Variants in PLPPR5 observed in about 807,000 individuals in gnomAD.
PLPPR5 encodes the protein phospholipid phosphatase-related protein type 5.
In PLPPR5, 16 loss-of-function variants were observed where a neutral mutation model predicts 33.9. The observed-to-expected ratio is 0.47, with a 90% CI of 0.32 to 0.72. PLPPR5 has a LOEUF of 0.72. PLPPR5 is among the 30% of genes least tolerant of loss of function. The pLI is 0.03. For missense variants in PLPPR5, 301 were observed against 406.7 expected (o/e 0.74, Z 2.23); for synonymous variants, 163 against 150.3 (o/e 1.08, Z -0.62).
intron 5 of PLPPR5, among the ~76,000 whole-genome samples, chr1:98,906,270 C>T (rs936925187): frequency 5.4e-5 from 8 of 149,290 alleles, no homozygotes; most frequent in African/African-American, 2.0e-4. Flanking sequence ...TATAGTATTA[C>T]CTAGTACTAT....
At chr1:98,921,004 C>T (rs572007142) in intron 4 of PLPPR5, among the ~76,000 whole-genome samples, 28 of 152,138 alleles carry the variant, frequency 1.8e-4, no homozygotes, top group African/African-American at 6.3e-4. Flanking sequence ...ACAACTTATA[C>T]TATACTTTAA....
Position 98,934,919 on chromosome 1 carries a change from A to C in PLPPR5, c.622-12861T>G, listed in dbSNP as rs545423438. ...AACATTAAGTCTGTGACATCCCTCC[A>C]TCTGTGAAACACTTTATGGTTCATA... On this transcript the variant is annotated intron_variant, in intron 3 of 5. Coordinates refer to ENST00000263177, the MANE Select transcript of PLPPR5 (RefSeq NM_001037317.2). 9.3e-4 allele frequency among the ~76,000 whole-genome samples: 141 copies of C among 152,236 alleles called. 2 individuals carry two copies. Among genetic ancestry groups the C allele is most frequent in the Non-Finnish European group, 1.9e-4 (13 of 68,020 alleles).
At position 98,891,155 on chromosome 1, in the gene PLPPR5, T is replaced by C. The variant is rs776079640; in HGVS notation, c.*1917A>G. ...AAAAAGGGTCAAGACATTCAAAGTT[T>C]CTTCATGTTCTAAATTTCCAACAGG... On this transcript the variant is annotated 3_prime_UTR_variant, in exon 6 of 6. Coordinates refer to ENST00000263177, the MANE Select transcript of PLPPR5 (RefSeq NM_001037317.2). The C allele has an allele frequency of 5.3e-5, 8 of 152,136 alleles. No homozygotes were observed. Among genetic ancestry groups the C allele is most frequent in the Non-Finnish European group, 1.2e-4 (8 of 68,016 alleles). 9.4% of individuals were successfully genotyped at this position (152,136 alleles called of 1,614,324 possible). A position where few individuals can be genotyped will look rare whatever the true frequency, so the allele number is the denominator to read the frequency against.
chr1:98,936,389 C>A (rs1330632401), intron 3 of PLPPR5, among the ~76,000 whole-genome samples: 2 of 152,114 alleles, frequency 1.3e-5, no homozygotes, highest in Non-Finnish European at 2.9e-5. Flanking sequence ...CATAAGCAGC[C>A]ATAGACTCAG....
intron 1 of PLPPR5, among the ~76,000 whole-genome samples, chr1:98,981,594 G>A (rs899075504): frequency 2.0e-5 from 3 of 151,984 alleles, no homozygotes; most frequent in African/African-American, 7.2e-5. Flanking sequence ...TACTAATACA[G>A]GGATCCTTTC....
intron 1 of PLPPR5, among the ~76,000 whole-genome samples, chr1:98,970,263 G>T (rs1211623016): frequency 6.6e-6 from 1 of 152,018 alleles, no homozygotes; most frequent in African/African-American, 2.4e-5. Flanking sequence ...AAAAATAAAT[G>T]AATGAGTCTT....
intron 5 of PLPPR5, among the ~76,000 whole-genome samples, chr1:98,903,823 T>C (rs988574597): frequency 1.3e-5 from 2 of 152,174 alleles, no homozygotes; most frequent in African/African-American, 4.8e-5. Flanking sequence ...CACTTCATTA[T>C]TATGCAGCTG....
chr1:98,974,591 T>G (rs1238346301), intron 1 of PLPPR5, among the ~76,000 whole-genome samples: 1 of 152,048 alleles, frequency 6.6e-6, no homozygotes, highest in African/African-American at 2.4e-5. Flanking sequence ...CACGAAGTCA[T>G]AGGTGCTTAA....
chr1:98,931,525 C>T (rs546919502), intron 3 of PLPPR5, among the ~76,000 whole-genome samples: 24 of 152,266 alleles, frequency 1.6e-4, no homozygotes, highest in African/African-American at 3.1e-4. Context: ...AACAAAGATG[C>T]TATTAATACA....
chr1:98,955,921 G>T (rs1300560538), intron 2 of PLPPR5, among the ~76,000 whole-genome samples: 1 of 152,062 alleles, frequency 6.6e-6, no homozygotes, highest in East Asian at 1.9e-4. Flanking sequence ...TCTAGGCTAA[G>T]TCCTGAATTA....
At chr1:98,939,921 C>T (rs1008930444) in intron 3 of PLPPR5, among the ~76,000 whole-genome samples, 5 of 151,842 alleles carry the variant, frequency 3.3e-5, no homozygotes, top group East Asian at 3.9e-4. Flanking sequence ...TCGTAGAGAA[C>T]GCTAATGGAC....
intron 1 of PLPPR5, among the ~76,000 whole-genome samples, chr1:98,975,789 C>T (rs973598358): frequency 1.3e-5 from 2 of 151,884 alleles, no homozygotes; most frequent in South Asian, 2.1e-4. Context: ...CAAGCTCTAC[C>T]GAACCAACAA....
Position 98,953,354 on chromosome 1 carries a change from C to CG in PLPPR5, c.371-35_371-34insC, listed in dbSNP as rs1557681768. The CG allele has an allele frequency of 1.6e-5, 20 of 1,273,736 alleles. No homozygotes were observed. The African/African-American group carries it at 1.6e-4, about 10-fold the overall frequency. The allele number at this position is 1,273,736 out of a possible 1,614,324, so 78.9% of individuals were successfully genotyped here. ...GAAAACAAATAATTTTAACTTCTTG[C>CG]TTGTGTGTGTGTGTGTGTGTGTGTG... On this transcript the variant is annotated intron_variant, in intron 2 of 5. Coordinates refer to ENST00000263177, the MANE Select transcript of PLPPR5 (RefSeq NM_001037317.2).
At chr1:98,989,158 A>G (rs1344422840) in intron 1 of PLPPR5, among the ~76,000 whole-genome samples, 1 of 152,082 alleles carries the variant, frequency 6.6e-6, no homozygotes, top group African/African-American at 2.4e-5. Flanking sequence ...TCAGTTGCAA[A>G]AAGTTAATAA....
In PLPPR5 at chr1:99,000,423, G is replaced by A. The variant is rs147782897; in HGVS notation, c.237+4012C>T. Among the ~76,000 whole-genome samples the A allele has an allele frequency of 2.6e-5, 4 of 152,192 alleles. No individual in the cohort carries two copies. The East Asian group carries it at 5.8e-4, about 22-fold the overall frequency. ...CCTACCAAACTGAGAAAATCTCTCA[G>A]CCTGGCATGGCATTTCAGGTCTTAT... On this transcript the variant is annotated intron_variant, in intron 1 of 5. Transcript: ENST00000263177.
chr1:98,953,469 C>T (rs2101213506), intron 2 of PLPPR5, 149 bp from the exon 3 acceptor site: 1 of 1,249,936 alleles, frequency 8.0e-7, no homozygotes, highest in South Asian at 1.6e-5. Context: ...TACATAGTTC[C>T]TTTTATTTCA....
At chr1:98,993,843 G>T (rs1021268621) in intron 1 of PLPPR5, among the ~76,000 whole-genome samples, 16 of 151,990 alleles carry the variant, frequency 1.1e-4, no homozygotes, top group Admixed American at 7.9e-4. Flanking sequence ...ACTATCAAAA[G>T]CACCCTTTAT....
chr1:98,894,666 T>C (rs1648403282), intron 5 of PLPPR5, among the ~76,000 whole-genome samples: 3 of 152,170 alleles, frequency 2.0e-5, no homozygotes, highest in South Asian at 2.1e-4. Flanking sequence ...AGAAATAACA[T>C]GGATGGTGTC....
chr1:98,897,326 C>T (rs1380752436), intron 5 of PLPPR5, among the ~76,000 whole-genome samples: 1 of 152,210 alleles, frequency 6.6e-6, no homozygotes, highest in Non-Finnish European at 1.5e-5. Flanking sequence ...GCAAGACAGT[C>T]TTTAAAGGAC....
Sources: gnomAD v4.1 joint callset for allele counts (sites outside exome capture counted in the v4.1 genomes callset) on GRCh38, gnomAD v4.1.1 for gene constraint, MANE v1.5 for transcripts, NCBI Gene and HGNC (gene_info 2026-07-23, HGNC 2026-07-21) for gene names.